Variants in ARHGEF19 observed in about 807,000 individuals in gnomAD.
ARHGEF19 encodes Rho guanine nucleotide exchange factor 19.
In ARHGEF19, 92 loss-of-function variants were observed where a neutral mutation model predicts 87.6. The ratio of observed to expected loss-of-function variants is 1.05; its 90% CI spans 0.89 to 1.25. The LOEUF (loss-of-function observed/expected upper bound fraction) is 1.25, where lower values mean the gene tolerates loss of function less well. Ranked by LOEUF, ARHGEF19 falls within the 50% of genes most tolerant of loss-of-function variation. The pLI is 0.00. For synonymous variants in ARHGEF19, 438 were observed against 446.2 expected (o/e 0.98, Z 0.23); for missense variants, 1,054 against 1,051.8 (o/e 1.00, Z -0.03).
chr1:16,208,281 C>T (rs2081165234), intron 2 of ARHGEF19, 56 bp from the exon 3 acceptor site: 3 of 1,560,390 alleles, frequency 1.9e-6, no homozygotes, highest in South Asian at 2.3e-5. Flanking sequence ...CAACCTCCTC[C>T]CTGCTGCTGC....
In ARHGEF19 at chr1:16,205,266, T is replaced by C; in HGVS notation, c.1656+85A>G. On this transcript the variant is annotated intron_variant, in intron 10 of 15. Coordinates refer to ENST00000270747, the MANE Select transcript of ARHGEF19 (RefSeq NM_153213.5). This position sits in a 1 kb window ranked among gnomAD's most constrained non-coding sequence, Gnocchi z 5.8. ...ACTCTTGCCTGGGGACCGGAGACTC[T>C]GACAGCTGGGGGCTGTTTTAGAGAC... The C allele has an allele frequency of 5.0e-6, 8 of 1,605,224 alleles. No homozygotes were observed. The highest frequency in any genetic ancestry group is 6.8e-6 in the Non-Finnish European group (8 of 1,173,750).
chr1:16,202,661 A>G, intron 12 of ARHGEF19, 87 bp from the exon 13 acceptor site: 1 of 1,518,366 alleles, frequency 6.6e-7, no homozygotes, highest in Non-Finnish European at 8.9e-7. Flanking sequence ...TCTGACTGGA[A>G]GTGGGGAGAA....
Position 16,205,231 on chromosome 1 carries a change from C to G in ARHGEF19, c.1657-55G>C, listed in dbSNP as rs1328549877. 1 of 1,594,542 alleles carries G rather than the reference C, an allele frequency of 6.3e-7. No homozygotes were observed. The highest frequency in any genetic ancestry group is 8.6e-7 in the Non-Finnish European group (1 of 1,169,184). On this transcript the variant is annotated intron_variant, in intron 10 of 15. Coordinates refer to ENST00000270747, the MANE Select transcript of ARHGEF19 (RefSeq NM_153213.5). This position sits in a 1 kb window ranked among gnomAD's most constrained non-coding sequence, Gnocchi z 5.8. ...GCCCCTCAGCTCCGGCTCCCAGAGC[C>G]CAGCCTCAGACTCTTGCCTGGGGAC...
intron 12 of ARHGEF19, among the ~76,000 whole-genome samples, chr1:16,203,256 C>G (rs1379375411): frequency 1.3e-5 from 2 of 152,144 alleles, no homozygotes; most frequent in African/African-American, 2.4e-5. Context: ...TTCTCCCACT[C>G]CAAGCCAGAT....
In ARHGEF19 at chr1:16,207,239, T is replaced by TG. The variant is rs1390010335; in HGVS notation, c.875-30dup. On this transcript the variant is annotated intron_variant, in intron 5 of 15. Transcript: ENST00000270747. This position sits in a 1 kb window ranked among gnomAD's most constrained non-coding sequence, Gnocchi z 4.0. The stretch of plus-strand genomic sequence containing the variant: ...GGGGAAAGACGGGCGGGGGAGAGCG[T>TG]GGGGCGCCCGCCAGCCCCTGCCCGG... 2.0e-6 allele frequency: 3 copies of TG among 1,471,330 alleles called. 1 individual carries two copies. In the Admixed American group the frequency reaches 7.3e-5, roughly 36 times the overall value. The allele number at this position is 1,471,330 out of a possible 1,614,324, so 91.1% of individuals were successfully genotyped here. A position where few individuals can be genotyped will look rare whatever the true frequency, so the allele number is the denominator to read the frequency against.
At chr1:16,204,155 C>T (rs2081104448) in intron 12 of ARHGEF19, among the ~76,000 whole-genome samples, 4 of 152,148 alleles carry the variant, frequency 2.6e-5, no homozygotes, top group Admixed American at 2.6e-4. Flanking sequence ...TGTGAGCCAC[C>T]GTGCCCAGCC....
chr1:16,207,105 C>T lies in ARHGEF19; in HGVS notation c.980G>A (p.Gly327Glu), dbSNP rs1319704595. The part of the protein sequence containing the change: ...PGDEAEGAEE[G>E]PGPPRANLSP... ...GAGGTTGGCCCGCGGCGGCCCCGGCCCCTCCTCTGCGCCCTCGGCCTCGTC... is the reference window on the plus strand; with the variant it reads ...GAGGTTGGCCCGCGGCGGCCCCGGCTCCTCCTCTGCGCCCTCGGCCTCGTC... The change falls in exon 6 of 16, where the codon GGG becomes GAG. Residue 327 changes from glycine to glutamate, a missense_variant. Gly to Glu is a moderately conservative substitution (Grantham distance 98). Coordinates refer to ENST00000270747, the MANE Select transcript of ARHGEF19 (RefSeq NM_153213.5). The surrounding 1 kb of genome is among the most constrained non-coding windows in gnomAD (Gnocchi z 4.0). The T allele has an allele frequency of 2.6e-6, 4 of 1,512,466 alleles. No homozygotes were observed. In the African/African-American group the frequency reaches 5.8e-5, roughly 22 times the overall value. The allele number at this position is 1,512,466 out of a possible 1,614,324, so 93.7% of individuals were successfully genotyped here.
intron 14 of ARHGEF19, among the ~76,000 whole-genome samples, chr1:16,201,362 C>T (rs1035548317): frequency 2.6e-5 from 4 of 152,198 alleles, no homozygotes; most frequent in Non-Finnish European, 5.9e-5. Flanking sequence ...GATGCCTCAC[C>T]TGCCACCACT....
At chr1:16,210,381 C>A (rs1408101003) in intron 1 of ARHGEF19, among the ~76,000 whole-genome samples, 1 of 152,136 alleles carries the variant, frequency 6.6e-6, no homozygotes, top group Admixed American at 6.5e-5. Context: ...CCCCTCAGGC[C>A]AAAGGGGCAG....
chr1:16,209,633 A>T (rs897800557), intron 1 of ARHGEF19, among the ~76,000 whole-genome samples: 2 of 152,086 alleles, frequency 1.3e-5, no homozygotes, highest in African/African-American at 2.4e-5. Flanking sequence ...TTTTTACACA[A>T]CCGCATACAT....
At chr1:16,204,959 C>T (rs778568494) in intron 11 of ARHGEF19, 40 bp from the exon 12 acceptor site, 2 of 1,580,382 alleles carry the variant, frequency 1.3e-6, no homozygotes, top group East Asian at 2.3e-5. Flanking sequence ...CCAGGGGCAC[C>T]AGGCAGAGAG....
Position 16,201,859 on chromosome 1 carries a change from C to G in ARHGEF19, c.2069G>C (p.Ser690Thr). ...GGCTGAGATCCATCGCTGCTTCTCA[C>G]TTCTAGGGAAGGGGGAGGCTAAGTT... is the stretch of plus-strand genomic sequence containing the variant. Reference protein sequence around the residue: ...HQFLLRARTESEKQRWISALC... With the variant: ...HQFLLRARTETEKQRWISALC... The change falls in exon 14 of 16, where the codon AGT becomes ACT. Residue 690 changes from serine to threonine, a missense_variant and splice_region_variant. By Grantham distance (58) the Ser-to-Thr change is moderately conservative (BLOSUM62 1). Coordinates refer to ENST00000270747, the MANE Select transcript of ARHGEF19 (RefSeq NM_153213.5). 6.2e-7 allele frequency: 1 copy of G among 1,613,732 alleles called. No individual in the cohort carries two copies. The highest frequency in any genetic ancestry group is 8.5e-7 in the Non-Finnish European group (1 of 1,179,836).
At chr1:16,200,088 C>G (rs996818547) in intron 14 of ARHGEF19, among the ~76,000 whole-genome samples, 2 of 152,210 alleles carry the variant, frequency 1.3e-5, no homozygotes, top group Non-Finnish European at 2.9e-5. Flanking sequence ...AGCTTACCCC[C>G]ACCCAGGTGG....
chr1:16,211,245 C>A (rs1344784224), intron 1 of ARHGEF19, among the ~76,000 whole-genome samples: 1 of 151,976 alleles, frequency 6.6e-6, no homozygotes, highest in Admixed American at 6.6e-5. Flanking sequence ...CATTATATCG[C>A]AGGAGTGTGC....
At chr1:16,199,334 G>T in intron 14 of ARHGEF19, 80 bp from the exon 15 acceptor site, 1 of 1,167,788 alleles carries the variant, frequency 8.6e-7, no homozygotes. Flanking sequence ...GGGAGGGGCA[G>T]TAGGAGGAAG....
rs2081131690 is a variant in ARHGEF19, at chr1:16,206,143, C to T, written c.1298+37G>A. 3 of 1,582,294 alleles carry T rather than the reference C, an allele frequency of 1.9e-6. No homozygotes were observed. Among genetic ancestry groups the T allele is most frequent in the Non-Finnish European group, 2.6e-6 (3 of 1,162,636 alleles). ...CTGGGAGCTGGCCAACCACTGGCTC[C>T]GTCCCCACCCCGGGCCAGGCCAGAC... On this transcript the variant is annotated intron_variant, in intron 7 of 15. Coordinates refer to ENST00000270747, the MANE Select transcript of ARHGEF19 (RefSeq NM_153213.5). This position sits in a 1 kb window ranked among gnomAD's most constrained non-coding sequence, Gnocchi z 4.6.
Position 16,206,179 on chromosome 1 carries a change from C to T in ARHGEF19, c.1298+1G>A. On this transcript the variant is annotated splice_donor_variant, in intron 7 of 15. Coordinates refer to ENST00000270747, the MANE Select transcript of ARHGEF19 (RefSeq NM_153213.5). LOFTEE classifies it high-confidence loss of function. The surrounding 1 kb of genome is among the most constrained non-coding windows in gnomAD (Gnocchi z 4.6). ...CGGGCCAGGCCAGACCACTTCTTCACCTCTCGCTGGTGCTCTTGACCTCGG... is the reference window on the plus strand; with the variant it reads ...CGGGCCAGGCCAGACCACTTCTTCATCTCTCGCTGGTGCTCTTGACCTCGG... 3 of 1,593,378 alleles carry T rather than the reference C, an allele frequency of 1.9e-6. No individual in the cohort carries two copies. Among genetic ancestry groups the T allele is most frequent in the Non-Finnish European group, 2.6e-6 (3 of 1,168,218 alleles).
At chr1:16,200,717 C>T (rs554563499) in intron 14 of ARHGEF19, among the ~76,000 whole-genome samples, 1 of 151,472 alleles carries the variant, frequency 6.6e-6, no homozygotes, top group Non-Finnish European at 1.5e-5. Context: ...GCACTCCAGC[C>T]TGGATGGCAG....
rs202141519 is a variant in ARHGEF19 at position 16,208,236 on chromosome 1, G to A, written c.413-11C>T. On this transcript the variant is annotated splice_polypyrimidine_tract_variant and intron_variant, in intron 2 of 15. Transcript: ENST00000270747. ...CCCGCATCTTGCGCCCTAGGGTTGG[G>A]GGCAAGGAGTGAGAGCACGGGCTGG... 1 of 1,608,748 alleles carries A rather than the reference G, an allele frequency of 6.2e-7. No homozygotes were observed. Among genetic ancestry groups the A allele is most frequent in the African/African-American group, 1.3e-5 (1 of 74,954 alleles).
Sources: allele counts gnomAD v4.1 joint callset (sites outside exome capture counted in the v4.1 genomes callset), GRCh38; gene constraint gnomAD v4.1.1; non-coding constraint Gnocchi (gnomAD v3.1); transcripts MANE v1.5; gene names NCBI Gene and HGNC (gene_info 2026-07-23, HGNC 2026-07-21).